SCG5: variants seen among roughly 807,000 people sequenced by gnomAD.
SCG5 encodes the protein secretogranin V.
In SCG5, 18 loss-of-function variants were observed where a neutral mutation model predicts 25.7. That is an observed-to-expected ratio of 0.70 (90% CI 0.48 to 1.04). The LOEUF is 1.04. SCG5 is among the 50% of genes least tolerant of loss of function. The pLI, the probability that SCG5 is intolerant of heterozygous loss-of-function variation, is 0.00. For missense variants in SCG5, 206 were observed against 259.8 expected (o/e 0.79, Z 1.42); for synonymous variants, 101 against 91.7 (o/e 1.10, Z -0.58).
chr15:32,651,451 G>A (rs1042697564), intron 2 of SCG5, among the ~76,000 whole-genome samples: 6 of 152,220 alleles, frequency 3.9e-5, no homozygotes, highest in African/African-American at 1.4e-4. Flanking sequence ...CCCATTTGAG[G>A]ATGGCGGGGT....
At chr15:32,659,591 A>G (rs1201476786) in intron 2 of SCG5, among the ~76,000 whole-genome samples, 1 of 152,184 alleles carries the variant, frequency 6.6e-6, no homozygotes, top group African/African-American at 2.4e-5. Flanking sequence ...TTTTCTTTGC[A>G]TGAGACAGAG....
At chr15:32,652,479 C>T (rs1397689398) in intron 2 of SCG5, among the ~76,000 whole-genome samples, 1 of 152,034 alleles carries the variant, frequency 6.6e-6, no homozygotes, top group Non-Finnish European at 1.5e-5. Context: ...TGCTAAGAAC[C>T]AGCAGAGAGG....
Position 32,682,025 on chromosome 15 carries a change from T to C in SCG5, c.376+2110T>C, listed in dbSNP as rs141321717. 1.3e-3 allele frequency among the ~76,000 whole-genome samples: 192 copies of C among 152,150 alleles called. No individual in the cohort carries two copies. The South Asian group carries it at 0.016, about 12-fold the overall frequency. On this transcript the variant is annotated intron_variant, in intron 3 of 5. Transcript: ENST00000300175. ...ATTTCAGCCACCTTCTACTTGTTTG[T>C]AGGGTTTTGGATGGGTAGGAAGAAA...
intron 2 of SCG5, among the ~76,000 whole-genome samples, chr15:32,662,151 A>G (rs1426953428): frequency 1.3e-5 from 2 of 152,228 alleles, no homozygotes; most frequent in African/African-American, 2.4e-5. Context: ...CACAGCTTCA[A>G]TGAACATATT....
At position 32,696,506 on chromosome 15, in the gene SCG5, T is replaced by C; in HGVS notation, c.544-8T>C. The C allele has an allele frequency of 6.3e-7, 1 of 1,597,730 alleles. No homozygotes were observed. On this transcript the variant is annotated splice_region_variant and splice_polypyrimidine_tract_variant and intron_variant, in intron 5 of 5. Transcript: ENST00000300175. ...AAACCACATGGTTTTTGTTTGTTTG[T>C]TTTTCAGAGTGTCAATCCATATCTA...
chr15:32,674,000 T>A (rs2054488128), intron 2 of SCG5, among the ~76,000 whole-genome samples: 1 of 152,192 alleles, frequency 6.6e-6, no homozygotes, highest in South Asian at 2.1e-4. Flanking sequence ...ATTATAGGTG[T>A]GAGCCACCGC....
At chr15:32,665,692 G>A (rs1054216327) in intron 2 of SCG5, 1 of 152,174 alleles carries the variant, frequency 6.6e-6, no homozygotes, top group African/African-American at 2.4e-5. Flanking sequence ...TTTGGGAATT[G>A]AGCTTTTTGA....
In SCG5 at chr15:32,679,872, G is replaced by T; in HGVS notation, c.333G>T (p.Gln111His). Residue 111 changes from glutamine to histidine, a missense_variant, in exon 3 of 6, where the codon CAG becomes CAT. Physicochemically the swap from Gln to His is conservative, Grantham distance 24. Coordinates refer to ENST00000300175, the MANE Select transcript of SCG5 (RefSeq NM_001144757.3). ...DNIPKDFSED[Q>H]GYPDPPNPCP... ...TTCCTAAGGACTTTAGTGAGGATCA[G>T]GGGTACCCAGACCCTCCAAATCCCT... 1 of 1,613,940 alleles carries T rather than the reference G, an allele frequency of 6.2e-7. No homozygotes were observed. The highest frequency in any genetic ancestry group is 1.1e-5 in the South Asian group (1 of 91,080).
chr15:32,646,253 T>A (rs933341382), intron 2 of SCG5, among the ~76,000 whole-genome samples: 37 of 152,262 alleles, frequency 2.4e-4, no homozygotes, highest in African/African-American at 8.7e-4. Flanking sequence ...TTATTTGAGT[T>A]TTCCACTGCT....
intron 2 of SCG5, among the ~76,000 whole-genome samples, chr15:32,674,466 G>A (rs1234791368): frequency 6.6e-6 from 1 of 152,172 alleles, no homozygotes; most frequent in Admixed American, 6.5e-5. Context: ...GTAAAACTTT[G>A]GGGGTCAGAA....
intron 2 of SCG5, among the ~76,000 whole-genome samples, chr15:32,651,339 A>G (rs2054028527): frequency 6.6e-6 from 1 of 152,244 alleles, no homozygotes. Flanking sequence ...ATGATAGGCT[A>G]CTTGAAGAGG....
At chr15:32,658,546 G>T (rs2054162841) in intron 2 of SCG5, among the ~76,000 whole-genome samples, 1 of 152,154 alleles carries the variant, frequency 6.6e-6, no homozygotes, top group African/African-American at 2.4e-5. Context: ...TGCATTTAAG[G>T]CTGTCGCCAA....
At chr15:32,642,923 A>T (rs1430272110) in intron 1 of SCG5, among the ~76,000 whole-genome samples, 1 of 152,200 alleles carries the variant, frequency 6.6e-6, no homozygotes. Context: ...TGCTTTAATT[A>T]TCTCCGTTTT....
chr15:32,656,992 A>T (rs1446465926), intron 2 of SCG5, among the ~76,000 whole-genome samples: 2 of 151,384 alleles, frequency 1.3e-5, no homozygotes, highest in African/African-American at 4.9e-5. Context: ...AGCTCAGACC[A>T]GCTGCATGGC....
intron 5 of SCG5, 21 bp from the exon 6 acceptor site, chr15:32,696,493 T>TTTTG (rs774693302): frequency 9.1e-6 from 14 of 1,543,628 alleles, no homozygotes; most frequent in Non-Finnish European, 1.3e-5. Context: ...ACCACATGGT[T>TTTTG]TTTGTTTGTT....
intron 5 of SCG5, 130 bp from the exon 6 acceptor site, chr15:32,696,384 T>C: frequency 1.6e-6 from 1 of 615,616 alleles, no homozygotes; most frequent in South Asian, 1.9e-5. Flanking sequence ...CCCAAAGTGC[T>C]GGGATTACAG....
chr15:32,672,351 C>T (rs1347404911), intron 2 of SCG5, among the ~76,000 whole-genome samples: 1 of 152,236 alleles, frequency 6.6e-6, no homozygotes, highest in African/African-American at 2.4e-5. Flanking sequence ...GTGAGGGGTG[C>T]GAATGGGACG....
At chr15:32,655,206 G>A (rs1397374241) in intron 2 of SCG5, among the ~76,000 whole-genome samples, 1 of 152,066 alleles carries the variant, frequency 6.6e-6, no homozygotes, top group Non-Finnish European at 1.5e-5. Context: ...TACTCAGGAG[G>A]CTGAGGCAGG....
At chr15:32,651,533 C>T (rs1278215522) in intron 2 of SCG5, among the ~76,000 whole-genome samples, 1 of 152,202 alleles carries the variant, frequency 6.6e-6, no homozygotes, top group African/African-American at 2.4e-5. Context: ...GAAAGCAGTG[C>T]AGCTGACTCT....
Sources: allele counts gnomAD v4.1 joint callset (sites outside exome capture counted in the v4.1 genomes callset), GRCh38; gene constraint gnomAD v4.1.1; transcripts MANE v1.5; gene names NCBI Gene and HGNC (gene_info 2026-07-23, HGNC 2026-07-21).